AKAP6: variants seen among roughly 807,000 people sequenced by gnomAD.
The protein encoded by AKAP6 is A-kinase anchor protein 6.
AKAP6 carries 58 observed loss-of-function variants against 188.5 expected under a neutral mutation model. The ratio of observed to expected loss-of-function variants is 0.31; its 90% CI spans 0.25 to 0.38. The LOEUF (loss-of-function observed/expected upper bound fraction) is 0.38, where lower values mean the gene tolerates loss of function less well. Among genes scored for constraint, AKAP6 ranks in the 10% least tolerant of loss-of-function variants. The pLI is 1.00. For synonymous variants in AKAP6, 989 were observed against 998.6 expected (o/e 0.99, Z 0.18); for missense variants, 2,710 against 2,740.0 (o/e 0.99, Z 0.24).
chr14:32,779,415 C>CAAAA (rs56103737), intron 12 of AKAP6, among the ~76,000 whole-genome samples: 57,435 of 104,516 alleles, frequency 0.55, 17,084 homozygotes, highest in Non-Finnish European at 0.64. Flanking sequence ...GTCTCAGGAC[C>CAAAA]AAAAAAAAAA....
intron 2 of AKAP6, among the ~76,000 whole-genome samples, chr14:32,461,562 A>T (rs1891323377): frequency 6.6e-6 from 1 of 151,958 alleles, no homozygotes; most frequent in African/African-American, 2.4e-5. Flanking sequence ...CCACACAAAA[A>T]CTCCATCTAA....
At chr14:32,428,796 A>G (rs1483503988) in intron 1 of AKAP6, among the ~76,000 whole-genome samples, 2 of 152,344 alleles carry the variant, frequency 1.3e-5, no homozygotes, top group East Asian at 3.9e-4. Context: ...GAGATCGCAG[A>G]AACAGTCCTT....
In AKAP6 at chr14:32,457,541, T is replaced by A. The variant is rs190742280; in HGVS notation, c.324+23724T>A. On this transcript the variant is annotated intron_variant, in intron 2 of 13. Coordinates refer to ENST00000280979, the MANE Select transcript of AKAP6 (RefSeq NM_004274.5). ...GAACTAAAAAAAAATCTTAACCTTC[T>A]TGTTAATTAAAGGGTCAACTTTAGA... Among the ~76,000 whole-genome samples, 5 of 152,268 alleles carry A rather than the reference T, an allele frequency of 3.3e-5. No individual in the cohort carries two copies. The East Asian group carries it at 7.7e-4, about 24-fold the overall frequency.
chr14:32,420,767 T>C (rs1889815286), intron 1 of AKAP6, among the ~76,000 whole-genome samples: 1 of 152,060 alleles, frequency 6.6e-6, no homozygotes, highest in African/African-American at 2.4e-5. Flanking sequence ...CGCCGCCCTT[T>C]TGGGATTTCC....
chr14:32,395,934 A>T (rs554496462), intron 1 of AKAP6, among the ~76,000 whole-genome samples: 6 of 152,256 alleles, frequency 3.9e-5, no homozygotes, highest in African/African-American at 1.4e-4. Context: ...TTCTTTGCTT[A>T]ACACTGTGCC....
chr14:32,799,985 G>T (rs111300417), intron 12 of AKAP6, among the ~76,000 whole-genome samples: 1 of 149,738 alleles, frequency 6.7e-6, no homozygotes, highest in African/African-American at 2.5e-5. Context: ...CGAGGTGGGC[G>T]GACTGCTTGA....
At chr14:32,642,380 T>C (rs1417155608) in intron 7 of AKAP6, among the ~76,000 whole-genome samples, 1 of 152,220 alleles carries the variant, frequency 6.6e-6, no homozygotes, top group East Asian at 1.9e-4. Flanking sequence ...CGCTAATAGA[T>C]TTTGATCTAC....
At chr14:32,571,968 T>C (rs1368664216) in intron 4 of AKAP6, among the ~76,000 whole-genome samples, 1 of 152,232 alleles carries the variant, frequency 6.6e-6, no homozygotes, top group East Asian at 1.9e-4. Flanking sequence ...AAGCATTTAG[T>C]CTCATCACAA....
intron 2 of AKAP6, chr14:32,473,896 T>A (rs1011491035): frequency 2.0e-5 from 3 of 152,534 alleles, no homozygotes; most frequent in African/African-American, 7.2e-5. Flanking sequence ...CACTGTCTTT[T>A]TTTCTTTTTC....
intron 11 of AKAP6, among the ~76,000 whole-genome samples, chr14:32,771,921 G>A (rs958663531): frequency 6.6e-6 from 1 of 152,040 alleles, no homozygotes; most frequent in Non-Finnish European, 1.5e-5. Flanking sequence ...AATTTCATTT[G>A]GCCGTAATGT....
intron 1 of AKAP6, among the ~76,000 whole-genome samples, chr14:32,386,013 ATATC>A (rs545583187): frequency 4.7e-4 from 70 of 150,320 alleles, no homozygotes; most frequent in Non-Finnish European, 8.0e-4. Flanking sequence ...ATCTATATCT[ATATC>A]TATCTATCTA....
At chr14:32,566,357 T>C (rs535121667) in intron 4 of AKAP6, among the ~76,000 whole-genome samples, 1 of 152,010 alleles carries the variant, frequency 6.6e-6, no homozygotes, top group East Asian at 1.9e-4. Flanking sequence ...AGTTAATACA[T>C]ATTTTTAAAT....
chr14:32,809,303 G>A (rs1213121637), intron 12 of AKAP6, among the ~76,000 whole-genome samples: 2 of 152,218 alleles, frequency 1.3e-5, no homozygotes, highest in East Asian at 1.9e-4. Flanking sequence ...CAGCTGTGGC[G>A]TTTAAGTGTT....
intron 2 of AKAP6, among the ~76,000 whole-genome samples, chr14:32,498,349 T>TC (rs397785187): frequency 2.6e-5 from 4 of 151,774 alleles, no homozygotes; most frequent in Non-Finnish European, 5.9e-5. Context: ...GCCATTTTTT[T>TC]CCAGTCATTC....
intron 9 of AKAP6, among the ~76,000 whole-genome samples, chr14:32,731,377 T>C (rs1313359471): frequency 6.6e-6 from 1 of 152,092 alleles, no homozygotes; most frequent in Non-Finnish European, 1.5e-5. Context: ...ACCCAAGTGC[T>C]TGGGGACATT....
chr14:32,551,641 T>TG (rs1269156109), intron 4 of AKAP6, among the ~76,000 whole-genome samples: 48 of 142,034 alleles, frequency 3.4e-4, no homozygotes, highest in East Asian at 2.2e-3. Flanking sequence ...CATTCTGTAA[T>TG]TTTTGTTTGT....
At chr14:32,819,905 A>G (rs942940012) in intron 12 of AKAP6, among the ~76,000 whole-genome samples, 3 of 152,110 alleles carry the variant, frequency 2.0e-5, no homozygotes, top group Admixed American at 6.6e-5. Context: ...CTGTGATTAC[A>G]CTACTGCACT....
chr14:32,583,757 G>A (rs917626139), intron 5 of AKAP6, among the ~76,000 whole-genome samples: 5 of 151,948 alleles, frequency 3.3e-5, no homozygotes, highest in South Asian at 4.2e-4. Flanking sequence ...GCGAGACTCC[G>A]TGGGCGTAGG....
intron 2 of AKAP6, among the ~76,000 whole-genome samples, chr14:32,473,131 G>T (rs1341559646): frequency 6.6e-6 from 1 of 152,188 alleles, no homozygotes; most frequent in African/African-American, 2.4e-5. Context: ...CTCTAAGACT[G>T]ACCTACAGCT....
Sources: gnomAD v4.1 joint callset for allele counts (sites outside exome capture counted in the v4.1 genomes callset) on GRCh38, gnomAD v4.1.1 for gene constraint, MANE v1.5 for transcripts, NCBI Gene and HGNC (gene_info 2026-07-23, HGNC 2026-07-21) for gene names.